The following ZFYVE26 variants were observed in gnomAD, a reference collection of about 807,000 sequenced individuals.
The protein encoded by ZFYVE26 is zinc finger FYVE domain-containing protein 26.
Under a neutral mutation model 276.5 loss-of-function variants are expected in ZFYVE26, and 181 were observed. The observed-to-expected ratio is 0.65, with a 90% confidence interval of 0.58 to 0.74. The LOEUF (loss-of-function observed/expected upper bound fraction) is 0.74, where lower values mean the gene tolerates loss of function less well. ZFYVE26 is among the 30% of genes least tolerant of loss of function. The pLI is 0.00. For synonymous variants in ZFYVE26, 1,129 were observed against 1,203.1 expected (o/e 0.94, Z 1.27); for missense variants, 2,821 against 3,097.9 (o/e 0.91, Z 2.12).
At chr14:67,766,080 C>T (rs17782871) in intron 32 of ZFYVE26, 147 bp downstream of exon 32, 12 of 826,024 alleles carry the variant, frequency 1.5e-5, no homozygotes, top group South Asian at 4.4e-5. Context: ...CTGGCAACAC[C>T]GTTTCATCAA....
intron 11 of ZFYVE26, 32 bp downstream of exon 11, chr14:67,797,981 CT>C: frequency 6.2e-7 from 1 of 1,613,678 alleles, no homozygotes; most frequent in Non-Finnish European, 8.5e-7. Flanking sequence ...CCCTCTCCAC[CT>C]TCTGGTCCCA....
chr14:67,783,643 C>T lies in ZFYVE26; in HGVS notation c.3627-118G>A, dbSNP rs544564855. 32 of 1,361,718 alleles carry T rather than the reference C, an allele frequency of 2.3e-5. No homozygotes were observed. In the East Asian group the frequency reaches 3.7e-4, roughly 16 times the overall value. 84.4% of individuals were successfully genotyped at this position (1,361,718 alleles called of 1,614,324 possible). A position where few individuals can be genotyped will look rare whatever the true frequency, so the allele number is the denominator to read the frequency against. ...TAAATAAAAGTTCCTAATTGTCACA[C>T]TCTTTTTTTAAAACACAAAAAGTAG... On this transcript the variant is annotated intron_variant, in intron 20 of 41. Transcript: ENST00000347230.
chr14:67,736,271 G>C (rs1367981193), intron 13 of ZFYVE26, among the ~76,000 whole-genome samples: 1 of 152,204 alleles, frequency 6.6e-6, no homozygotes, highest in African/African-American at 2.4e-5. Context: ...AATGCTCACT[G>C]TGAAGCATTC....
intron 13 of ZFYVE26, among the ~76,000 whole-genome samples, chr14:67,740,691 G>C (rs1449937031): frequency 6.6e-6 from 1 of 152,084 alleles, no homozygotes; most frequent in Non-Finnish European, 1.5e-5. Flanking sequence ...GGTGGATCAC[G>C]AGATCAGGAG....
intron 28 of ZFYVE26, among the ~76,000 whole-genome samples, chr14:67,770,694 T>C (rs2039186884): frequency 1.3e-5 from 2 of 152,310 alleles, no homozygotes; most frequent in South Asian, 4.1e-4. Context: ...AAGCACTTAG[T>C]ATCATGCCTG....
Position 67,755,184 on chromosome 14 carries a change from G to A in ZFYVE26, c.6853C>T (p.Leu2285=), listed in dbSNP as rs369958538. 1.2e-6 allele frequency: 2 copies of A among 1,614,152 alleles called. No individual in the cohort carries two copies. The highest frequency in any genetic ancestry group is 1.7e-6 in the Non-Finnish European group (2 of 1,180,042). Residue 2285 remains leucine (L), a synonymous_variant, in exon 37 of 42, where the codon CTG becomes TTG. Coordinates refer to ENST00000347230, the MANE Select transcript of ZFYVE26 (RefSeq NM_015346.4). ...AGTAGCCATGAGAGCTTCTCTCCCA[G>A]TTCTGTATATGACTTTGCTTTGTGA... ...FSHKAKSYTE[L]GEKLSWLLKA...
At chr14:67,738,331 T>TTATATACTAATATACTTA (rs1338570551) in intron 13 of ZFYVE26, among the ~76,000 whole-genome samples, 1 of 148,382 alleles carries the variant, frequency 6.7e-6, no homozygotes, top group Admixed American at 6.7e-5. Flanking sequence ...TATATAATAA[T>TTATATACTAATATACTTA]TATATACTAA....
chr14:67,808,680 T>C (rs1196664209), intron 4 of ZFYVE26, among the ~76,000 whole-genome samples: 1 of 152,102 alleles, frequency 6.6e-6, no homozygotes, highest in Non-Finnish European at 1.5e-5. Context: ...ATGAGTCCTT[T>C]ACCTAATACA....
chr14:67,781,648 C>T, intron 21 of ZFYVE26, 119 bp from the exon 22 acceptor site: 2 of 901,620 alleles, frequency 2.2e-6, no homozygotes, highest in Non-Finnish European at 3.5e-6. Flanking sequence ...CTTGGAGGAT[C>T]CTTAAGATGG....
intron 16 of ZFYVE26, among the ~76,000 whole-genome samples, chr14:67,788,080 C>G (rs1247996725): frequency 7.4e-6 from 1 of 134,276 alleles, no homozygotes. Context: ...GTTTTTGTCA[C>G]CAGTCCTCGA....
intron 37 of ZFYVE26, among the ~76,000 whole-genome samples, chr14:67,754,647 T>C (rs2038731566): frequency 6.6e-6 from 1 of 152,230 alleles, no homozygotes; most frequent in Non-Finnish European, 1.5e-5. Flanking sequence ...GTGTTCTATG[T>C]AGAGGGACTG....
Position 67,766,405 on chromosome 14 carries a change from G to C in ZFYVE26, c.5833C>G (p.Arg1945Gly), listed in dbSNP as rs778537174. The C allele has an allele frequency of 5.9e-5, 95 of 1,612,460 alleles. No homozygotes were observed. Among genetic ancestry groups the C allele is most frequent in the Non-Finnish European group, 8.1e-5 (95 of 1,180,020 alleles). Residue 1945 changes from arginine (R) to glycine (G), a missense_variant, in exon 32 of 42, where the codon CGG becomes GGG. Physicochemically the swap from Arg to Gly is moderately radical, Grantham distance 125 (BLOSUM62 -2). Coordinates refer to ENST00000347230, the MANE Select transcript of ZFYVE26 (RefSeq NM_015346.4). ...TGGTGACCACAGGCAATGCTGTCCCGGTGCAGATTCAGGATGGCAATGCAC... is the reference window on the plus strand; with the variant it reads ...TGGTGACCACAGGCAATGCTGTCCCCGTGCAGATTCAGGATGGCAATGCAC... ...SLCIAILNLH[R>G]DSIACGHQLI...
intron 41 of ZFYVE26, 172 bp downstream of exon 41, chr14:67,750,880 C>T: frequency 1.2e-6 from 1 of 801,216 alleles, no homozygotes; most frequent in Non-Finnish European, 2.1e-6. Flanking sequence ...TGCTCCTCAT[C>T]TATTCCCTCC....
Position 67,786,072 on chromosome 14 carries a change from T to C in ZFYVE26, c.3139+42A>G, listed in dbSNP as rs187816147. On this transcript the variant is annotated intron_variant, in intron 17 of 41. Transcript: ENST00000347230. ...AAAGTAAAGTCTGTTGCTGACCTAA[T>C]GTTCCAAGTCCAGGAGAAGAAAAGA... is the stretch of plus-strand genomic sequence containing the variant. 10,088 of 1,614,154 alleles carry C rather than the reference T, an allele frequency of 6.2e-3. 46 individuals carry two copies. The highest frequency in any genetic ancestry group is 7.4e-3 in the Non-Finnish European group (8,754 of 1,180,026).
At chr14:67,761,306 G>A (rs2038921366) in intron 35 of ZFYVE26, 60 bp downstream of exon 35, 2 of 1,486,142 alleles carry the variant, frequency 1.3e-6, no homozygotes, top group East Asian at 4.8e-5. Flanking sequence ...TTAAGGCTGA[G>A]TGGTCCAAGC....
At chr14:67,731,768 T>G (rs1286020555) in intron 13 of ZFYVE26, among the ~76,000 whole-genome samples, 1 of 151,968 alleles carries the variant, frequency 6.6e-6, no homozygotes, top group Admixed American at 6.6e-5. Flanking sequence ...CCAGGGAGTT[T>G]TAGGGAGAGC....
At chr14:67,732,404 T>C (rs2140158861) in intron 13 of ZFYVE26, among the ~76,000 whole-genome samples, 1 of 146,050 alleles carries the variant, frequency 6.8e-6, no homozygotes, top group East Asian at 2.1e-4. Context: ...CACTCCAGCC[T>C]GGGTGATGAA....
chr14:67,751,299 T>G, intron 40 of ZFYVE26: 1 of 636,146 alleles, frequency 1.6e-6, no homozygotes, highest in South Asian at 1.8e-5. Flanking sequence ...CCACTATTGA[T>G]AGCAAAGGAA....
At chr14:67,739,094 C>T (rs1284647543) in intron 13 of ZFYVE26, among the ~76,000 whole-genome samples, 2 of 152,202 alleles carry the variant, frequency 1.3e-5, no homozygotes, top group South Asian at 4.1e-4. Context: ...AGTCACGTGG[C>T]TCAATCATGG....
Sources: gnomAD v4.1 joint callset for allele counts (sites outside exome capture counted in the v4.1 genomes callset) on GRCh38, gnomAD v4.1.1 for gene constraint, MANE v1.5 for transcripts, NCBI Gene and HGNC (gene_info 2026-07-23, HGNC 2026-07-21) for gene names.